RYR3: variants seen among roughly 807,000 people sequenced by gnomAD.
The protein encoded by RYR3 is ryanodine receptor 3, also known as brain ryanodine receptor-calcium release channel.
RYR3 carries 207 observed loss-of-function variants against 584.3 expected under a neutral mutation model. The ratio of observed to expected loss-of-function variants is 0.35; its 90% CI spans 0.32 to 0.40. RYR3 has a LOEUF of 0.40. Ranked by LOEUF, RYR3 falls within the 10% of genes least tolerant of loss-of-function variation. RYR3 has a pLI of 1.00. For synonymous variants in RYR3, 2,416 were observed against 2,248.5 expected (o/e 1.07, Z -2.11); for missense variants, 5,616 against 6,089.2 (o/e 0.92, Z 2.59).
intron 12 of RYR3, among the ~76,000 whole-genome samples, chr15:33,572,279 G>T (rs950612666): frequency 1.3e-5 from 2 of 151,930 alleles, no homozygotes; most frequent in African/African-American, 4.8e-5. Context: ...TTATTTCTTT[G>T]CATGGATTCC....
chr15:33,325,544 G>T (rs1029411866), intron 1 of RYR3, among the ~76,000 whole-genome samples: 25 of 152,040 alleles, frequency 1.6e-4, no homozygotes, highest in Non-Finnish European at 2.5e-4. Context: ...AGCTTCTTCT[G>T]AGCCTTCTGA....
At chr15:33,717,828 G>C (rs2067614243) in intron 43 of RYR3, among the ~76,000 whole-genome samples, 1 of 152,152 alleles carries the variant, frequency 6.6e-6, no homozygotes, top group Non-Finnish European at 1.5e-5. Flanking sequence ...CTCTAGGTCA[G>C]TTACTAGCAT....
chr15:33,756,600 T>C (rs1350330822), intron 59 of RYR3, among the ~76,000 whole-genome samples: 2 of 152,108 alleles, frequency 1.3e-5, no homozygotes, highest in South Asian at 2.1e-4. Flanking sequence ...CTTCCTCTCT[T>C]GCTACTCCAC....
chr15:33,685,533 C>T (rs182507037), intron 38 of RYR3, among the ~76,000 whole-genome samples: 517 of 152,088 alleles, frequency 3.4e-3, no homozygotes, highest in African/African-American at 5.4e-3. Flanking sequence ...ATTAGATCAA[C>T]GAGACAGAAA....
intron 42 of RYR3, among the ~76,000 whole-genome samples, chr15:33,703,243 A>ATT (rs1251280179): frequency 6.6e-6 from 1 of 152,200 alleles, no homozygotes; most frequent in Non-Finnish European, 1.5e-5. Flanking sequence ...GACAGACAAA[A>ATT]CGCCCGTGTT....
intron 1 of RYR3, among the ~76,000 whole-genome samples, chr15:33,345,701 T>G (rs1413333674): frequency 2.0e-5 from 3 of 152,060 alleles, no homozygotes; most frequent in Non-Finnish European, 4.4e-5. Context: ...TCCACTGAAT[T>G]CCCAGCACCT....
chr15:33,840,188 C>T (rs894764855), intron 89 of RYR3, among the ~76,000 whole-genome samples: 6 of 152,072 alleles, frequency 3.9e-5, no homozygotes, highest in Admixed American at 1.3e-4. Flanking sequence ...GCAGCAGGCA[C>T]GTGAAAAGCT....
chr15:33,379,339 T>C (rs1278071328), intron 1 of RYR3, among the ~76,000 whole-genome samples: 1 of 152,202 alleles, frequency 6.6e-6, no homozygotes, highest in Non-Finnish European at 1.5e-5. Flanking sequence ...CATTATGCTC[T>C]AGAGGGAGTG....
chr15:33,566,610 G>T, intron 11 of RYR3, 68 bp from the exon 12 acceptor site: 1 of 1,545,932 alleles, frequency 6.5e-7, no homozygotes, highest in Non-Finnish European at 8.9e-7. Context: ...CAATACTGCG[G>T]GAAATGTTGA....
At chr15:33,846,948 G>A (rs180769405) in intron 93 of RYR3, 3 of 152,286 alleles carry the variant, frequency 2.0e-5, no homozygotes, top group Admixed American at 6.5e-5. Context: ...ATTATACTGT[G>A]ACCAGGAGAA....
Position 33,816,974 on chromosome 15 carries a change from C to G in RYR3, c.10599+16C>G. 6.8e-7 allele frequency: 1 copy of G among 1,479,218 alleles called. No homozygotes were observed. The highest frequency in any genetic ancestry group is 9.4e-7 in the Non-Finnish European group (1 of 1,063,408). 91.6% of individuals were successfully genotyped at this position (1,479,218 alleles called of 1,614,324 possible). A position where few individuals can be genotyped will look rare whatever the true frequency, so the allele number is the denominator to read the frequency against. ...GGATTTGGCTGTAAGTACTGACTCC[C>G]CTGGGAGCAGATATGAGTGTGGATG... On this transcript the variant is annotated intron_variant, in intron 75 of 103. Transcript: ENST00000634891.
chr15:33,768,675 C>A lies in RYR3; in HGVS notation c.8723C>A (p.Ala2908Asp). The A allele has an allele frequency of 6.2e-7, 1 of 1,613,956 alleles. No individual in the cohort carries two copies. The highest frequency in any genetic ancestry group is 8.5e-7 in the Non-Finnish European group (1 of 1,179,848). Residue 2908 changes from alanine (A) to aspartate (D), a missense_variant, in exon 61 of 104, where the codon GCC (alanine) becomes GAC (aspartate). Coordinates refer to ENST00000634891, the MANE Select transcript of RYR3 (RefSeq NM_001036.6). ...EMVAGLFCKLAALVRHRISLF... is the reference protein window; with the variant it reads ...EMVAGLFCKLDALVRHRISLF... ...TGCTTCAGCCTGTTCTGCAAACTTG[C>A]CGCTCTCGTTAGACACAGAATTTCC...
chr15:33,719,560 C>T (rs35307665), intron 43 of RYR3, among the ~76,000 whole-genome samples: 29,952 of 152,092 alleles, frequency 0.2, 3,073 homozygotes, highest in Middle Eastern at 0.27. Context: ...AAAATTTCAA[C>T]GTTTTAGCTT....
rs139101579 is a variant in RYR3, at chr15:33,673,574, C to G, written c.5860+3018C>G. On this transcript the variant is annotated intron_variant, in intron 38 of 103. Transcript: ENST00000634891. Reference sequence around the variant, plus strand: ...AGAAAATTCCCTAGAAAATGTTTTGCTTGTTCCTTCTGGCCAGTACTTTTC... The same window carrying G: ...AGAAAATTCCCTAGAAAATGTTTTGGTTGTTCCTTCTGGCCAGTACTTTTC... Among the ~76,000 whole-genome samples the G allele has an allele frequency of 3.2e-3, 494 of 152,208 alleles. 3 individuals carry two copies. Among genetic ancestry groups the G allele is most frequent in the South Asian group, 0.011 (53 of 4,804 alleles).
At chr15:33,409,442 C>T (rs1361760379) in intron 1 of RYR3, among the ~76,000 whole-genome samples, 3 of 152,256 alleles carry the variant, frequency 2.0e-5, no homozygotes, top group East Asian at 1.9e-4. Context: ...TACTCTGTCC[C>T]GTGAACTCTG....
chr15:33,789,662 T>C (rs866090893), intron 67 of RYR3, among the ~76,000 whole-genome samples: 1 of 13,448 alleles, frequency 7.4e-5, no homozygotes, highest in Non-Finnish European at 1.5e-4. Context: ...ATATATATTT[T>C]TTTTTTTTTT....
Position 33,859,751 on chromosome 15 carries a change from T to G in RYR3, c.14299+20T>G. 3.1e-6 allele frequency: 5 copies of G among 1,595,640 alleles called. No individual in the cohort carries two copies. The highest frequency in any genetic ancestry group is 4.3e-6 in the Non-Finnish European group (5 of 1,169,608). ...TTCAAGGTATGATTGCCAATTGTGT[T>G]GAGTATGAACAGGGTTTAATCTAGT... On this transcript the variant is annotated intron_variant, in intron 100 of 103. Coordinates refer to ENST00000634891, the MANE Select transcript of RYR3 (RefSeq NM_001036.6).
intron 3 of RYR3, among the ~76,000 whole-genome samples, chr15:33,514,352 G>T (rs2140902096): frequency 6.6e-6 from 1 of 152,246 alleles, no homozygotes; most frequent in African/African-American, 2.4e-5. Context: ...AAAGATGGAG[G>T]GTGGTAGGCA....
At chr15:33,538,744 T>C (rs781322999) in intron 5 of RYR3, among the ~76,000 whole-genome samples, 1 of 152,244 alleles carries the variant, frequency 6.6e-6, no homozygotes, top group Non-Finnish European at 1.5e-5. Flanking sequence ...AATTGGCTTT[T>C]TATTGATGGT....
Sources: allele counts gnomAD v4.1 joint callset (sites outside exome capture counted in the v4.1 genomes callset), GRCh38; gene constraint gnomAD v4.1.1; transcripts MANE v1.5; gene names NCBI Gene and HGNC (gene_info 2026-07-23, HGNC 2026-07-21).